Variants in PREP observed in about 807,000 individuals in gnomAD.
PREP encodes the protein prolyl endopeptidase, also known as dJ355L5.1 (prolyl endopeptidase).
Under a neutral mutation model 87.6 loss-of-function variants are expected in PREP, and 29 were observed. That is an observed-to-expected ratio of 0.33 (90% confidence interval 0.25 to 0.45). The LOEUF is 0.45. Ranked by LOEUF, PREP falls within the 20% of genes least tolerant of loss-of-function variation. PREP has a pLI of 1.00. For synonymous variants in PREP, 337 were observed against 328.6 expected (o/e 1.03, Z -0.28); for missense variants, 695 against 886.5 (o/e 0.78, Z 2.74).
chr6:105,344,853 T>A (rs565950241), intron 7 of PREP, among the ~76,000 whole-genome samples: 1 of 152,190 alleles, frequency 6.6e-6, no homozygotes, highest in Non-Finnish European at 1.5e-5. Context: ...AAAAAAATCA[T>A]TCAAGCTCCA....
intron 2 of PREP, among the ~76,000 whole-genome samples, chr6:105,378,724 G>C (rs1772758064): frequency 6.6e-6 from 1 of 152,292 alleles, no homozygotes; most frequent in Admixed American, 6.5e-5. Flanking sequence ...CATTGTATCA[G>C]CTTTAAATTC....
At chr6:105,364,152 C>T (rs192021795) in intron 6 of PREP, among the ~76,000 whole-genome samples, 5 of 152,234 alleles carry the variant, frequency 3.3e-5, no homozygotes, top group Admixed American at 2.0e-4. Flanking sequence ...GGGTAGAGGG[C>T]GAAAGCATGT....
At chr6:105,332,350 C>T (rs1303211032) in intron 8 of PREP, among the ~76,000 whole-genome samples, 1 of 152,136 alleles carries the variant, frequency 6.6e-6, no homozygotes, top group Non-Finnish European at 1.5e-5. Flanking sequence ...AAGCATACCA[C>T]CTTGAGCAAG....
At chr6:105,286,482 C>T (rs1031445301) in intron 11 of PREP, among the ~76,000 whole-genome samples, 2 of 152,138 alleles carry the variant, frequency 1.3e-5, no homozygotes, top group African/African-American at 4.8e-5. Flanking sequence ...GCATTAAGTC[C>T]TTTGGAAAAT....
intron 2 of PREP, among the ~76,000 whole-genome samples, chr6:105,381,959 A>G (rs2114718981): frequency 6.6e-6 from 1 of 152,250 alleles, no homozygotes; most frequent in African/African-American, 2.4e-5. Context: ...AGATTCCTTT[A>G]CTCCTAATGT....
intron 2 of PREP, among the ~76,000 whole-genome samples, chr6:105,393,878 C>A (rs1451906137): frequency 1.3e-5 from 2 of 151,498 alleles, no homozygotes; most frequent in Non-Finnish European, 2.9e-5. Context: ...TTTCTAATGT[C>A]CTGACTGGTT....
intron 7 of PREP, among the ~76,000 whole-genome samples, chr6:105,343,880 G>A (rs922890876): frequency 6.6e-6 from 1 of 152,198 alleles, no homozygotes; most frequent in African/African-American, 2.4e-5. Flanking sequence ...CACAGGTGCT[G>A]GAGAGGATGT....
At chr6:105,372,507 A>G (rs1002727816) in intron 5 of PREP, among the ~76,000 whole-genome samples, 2 of 152,232 alleles carry the variant, frequency 1.3e-5, no homozygotes, top group African/African-American at 2.4e-5. Context: ...TACAAGGTAC[A>G]TAGCCCTTCC....
In PREP at chr6:105,396,958, A is replaced by T. The variant is rs112525521; in HGVS notation, c.120+895T>A. ...CAACACTTTGGGAGGCCGAGGCGGG[A>T]GGATCACTTGAGGCCAGGAGTTCGA... On this transcript the variant is annotated intron_variant, in intron 2 of 14. Coordinates refer to ENST00000652536, the MANE Select transcript of PREP (RefSeq NM_002726.5). 7.3e-4 allele frequency among the ~76,000 whole-genome samples: 111 copies of T among 152,084 alleles called. 1 individual carries two copies. The highest frequency in any genetic ancestry group is 2.5e-3 in the African/African-American group (104 of 41,500).
chr6:105,372,208 G>A (rs6906696), intron 5 of PREP, among the ~76,000 whole-genome samples: 210 of 143,454 alleles, frequency 1.5e-3, no homozygotes, highest in African/African-American at 4.9e-3. Flanking sequence ...AATTGTGGGG[G>A]AAAAAAAAAA....
At chr6:105,344,192 T>C (rs1328028911) in intron 7 of PREP, among the ~76,000 whole-genome samples, 2 of 152,026 alleles carry the variant, frequency 1.3e-5, no homozygotes, top group East Asian at 3.9e-4. Context: ...TATGCAGCCA[T>C]AAAAAGGGAT....
intron 2 of PREP, among the ~76,000 whole-genome samples, chr6:105,390,647 G>A (rs1334853287): frequency 6.6e-6 from 1 of 152,178 alleles, no homozygotes; most frequent in Non-Finnish European, 1.5e-5. Flanking sequence ...AGAACATTCA[G>A]CTAAAAGGGT....
chr6:105,313,728 A>C (rs1472374474), intron 10 of PREP, among the ~76,000 whole-genome samples: 2 of 152,214 alleles, frequency 1.3e-5, no homozygotes, highest in African/African-American at 2.4e-5. Context: ...CTTGGGCTAC[A>C]ATTTCCAAAA....
chr6:105,344,341 A>G (rs963283039), intron 7 of PREP, among the ~76,000 whole-genome samples: 2 of 152,014 alleles, frequency 1.3e-5, no homozygotes, highest in Non-Finnish European at 2.9e-5. Context: ...AATACAAAAA[A>G]ATTAGCCAGG....
At chr6:105,333,972 G>C (rs1473705926) in intron 7 of PREP, among the ~76,000 whole-genome samples, 1 of 152,134 alleles carries the variant, frequency 6.6e-6, no homozygotes, top group African/African-American at 2.4e-5. Context: ...GGCTACCACT[G>C]GCACCTAAAG....
At position 105,275,925 on chromosome 6, in the gene PREP, TAC is replaced by T; in HGVS notation, c.*2217_*2218del. Among the ~76,000 whole-genome samples, 1 of 152,316 alleles carries T rather than the reference TAC, an allele frequency of 6.6e-6. No homozygotes were observed. The highest frequency in any genetic ancestry group is 1.9e-4 in the East Asian group (1 of 5,188). On this transcript the variant is annotated 3_prime_UTR_variant, in exon 15 of 15. Transcript: ENST00000652536. The stretch of plus-strand genomic sequence containing the variant: ...ATGAAGAGATTAATGCCTACAAATA[TAC>T]AGTTTGAAAGAAGACCTAGTGTTAG...
intron 7 of PREP, among the ~76,000 whole-genome samples, chr6:105,350,561 C>T (rs1174023818): frequency 6.6e-6 from 1 of 152,078 alleles, no homozygotes; most frequent in Non-Finnish European, 1.5e-5. Flanking sequence ...TTAATCTTTT[C>T]AATAGTAAAA....
At chr6:105,288,346 G>A (rs1770229972) in intron 11 of PREP, among the ~76,000 whole-genome samples, 1 of 152,124 alleles carries the variant, frequency 6.6e-6, no homozygotes, top group African/African-American at 2.4e-5. Context: ...CAAGCAGCAA[G>A]AATTTTGTAG....
chr6:105,379,807 C>G (rs925811641), intron 2 of PREP, among the ~76,000 whole-genome samples: 1 of 152,180 alleles, frequency 6.6e-6, no homozygotes, highest in African/African-American at 2.4e-5. Flanking sequence ...GCTAAAATCC[C>G]TGTCATCACG....
Sources: allele counts gnomAD v4.1 joint callset (sites outside exome capture counted in the v4.1 genomes callset), GRCh38; gene constraint gnomAD v4.1.1; transcripts MANE v1.5; gene names NCBI Gene and HGNC (gene_info 2026-07-23, HGNC 2026-07-21).